Variants in DPYD observed in about 807,000 individuals in gnomAD.
DPYD encodes dihydropyrimidine dehydrogenase, also known as dihydropyrimidine dehydrogenase [NADP(+)].
A neutral mutation model predicts 116.2 loss-of-function variants in DPYD; 109 were observed. That is an observed-to-expected ratio of 0.94 (90% CI 0.80 to 1.10). The LOEUF (loss-of-function observed/expected upper bound fraction) is 1.10. Ranked by LOEUF, DPYD falls within the 50% of genes least tolerant of loss-of-function variation. The pLI is 0.00. For missense variants in DPYD, 1,302 were observed against 1,254.5 expected (o/e 1.04, Z -0.57); for synonymous variants, 440 against 432.0 (o/e 1.02, Z -0.23).
At chr1:97,382,598 T>C (rs1278865773) in intron 14 of DPYD, 137 bp from the exon 15 acceptor site, 4 of 496,988 alleles carry the variant, frequency 8.0e-6, no homozygotes, top group Non-Finnish European at 1.4e-5. Flanking sequence ...AAATAAATCA[T>C]TAGAAAATAG....
At chr1:97,874,937 A>G (rs1558024323) in intron 2 of DPYD, among the ~76,000 whole-genome samples, 1 of 152,000 alleles carries the variant, frequency 6.6e-6, no homozygotes, top group Non-Finnish European at 1.5e-5. Context: ...CAGATTAACT[A>G]TAAAATGAAT....
chr1:97,126,607 T>C (rs1652860381), intron 20 of DPYD, among the ~76,000 whole-genome samples: 1 of 152,152 alleles, frequency 6.6e-6, no homozygotes, highest in African/African-American at 2.4e-5. Flanking sequence ...TGACACTCAC[T>C]TCTATCACAT....
intron 20 of DPYD, among the ~76,000 whole-genome samples, chr1:97,153,038 G>C (rs1655151363): frequency 6.6e-6 from 1 of 151,974 alleles, no homozygotes; most frequent in African/African-American, 2.4e-5. Context: ...TAAAATGTAA[G>C]AGTCTTTTGT....
chr1:97,280,181 G>A (rs756749694), intron 18 of DPYD: 2 of 151,778 alleles, frequency 1.3e-5, no homozygotes, highest in Non-Finnish European at 2.9e-5. Context: ...AATTGAGGAT[G>A]TCTTGAATCT....
In DPYD at chr1:97,691,811, G is replaced by C. The variant is rs1661022226; in HGVS notation, c.681-13C>G. The C allele has an allele frequency of 6.2e-7, 1 of 1,612,136 alleles. No individual in the cohort carries two copies. The highest frequency in any genetic ancestry group is 1.3e-5 in the African/African-American group (1 of 74,934). ...AATTTCAGAAGTACTGAAAAGAAAG[G>C]AGAAAGAAAAACAGGCATCAGTAGA... On this transcript the variant is annotated splice_polypyrimidine_tract_variant and intron_variant, in intron 6 of 22. Coordinates refer to ENST00000370192, the MANE Select transcript of DPYD (RefSeq NM_000110.4).
intron 20 of DPYD, among the ~76,000 whole-genome samples, chr1:97,166,944 T>C (rs910539533): frequency 1.3e-5 from 2 of 152,230 alleles, no homozygotes; most frequent in Admixed American, 1.3e-4. Context: ...AAAATATTTT[T>C]ATTTTATTTT....
At chr1:97,763,576 A>G (rs747045322) in intron 3 of DPYD, among the ~76,000 whole-genome samples, 2 of 152,012 alleles carry the variant, frequency 1.3e-5, no homozygotes, top group African/African-American at 4.8e-5. Context: ...TATATCCAAC[A>G]ACATACTCTT....
At chr1:97,291,138 T>C (rs1394013191) in intron 18 of DPYD, among the ~76,000 whole-genome samples, 1 of 152,196 alleles carries the variant, frequency 6.6e-6, no homozygotes, top group Non-Finnish European at 1.5e-5. Context: ...CACAATGATA[T>C]ACCATCTCAC....
At chr1:97,306,423 A>G in intron 16 of DPYD, 126 bp from the exon 17 acceptor site, 1 of 1,269,348 alleles carries the variant, frequency 7.9e-7, no homozygotes, top group Admixed American at 1.8e-5. Context: ...TACATGATAT[A>G]TTTCTCAAAT....
At chr1:97,245,631 G>A (rs1031403300) in intron 18 of DPYD, among the ~76,000 whole-genome samples, 4 of 152,074 alleles carry the variant, frequency 2.6e-5, no homozygotes, top group African/African-American at 9.7e-5. Flanking sequence ...AGATTATAAT[G>A]ACAATGATAA....
intron 4 of DPYD, among the ~76,000 whole-genome samples, chr1:97,734,520 C>T (rs1049147150): frequency 2.0e-5 from 3 of 152,078 alleles, no homozygotes; most frequent in African/African-American, 7.2e-5. Context: ...AATTACTACT[C>T]CTATATTTTC....
chr1:97,148,533 G>A (rs1654795862), intron 20 of DPYD, among the ~76,000 whole-genome samples: 1 of 152,010 alleles, frequency 6.6e-6, no homozygotes, highest in Non-Finnish European at 1.5e-5. Context: ...CATTCTGCAG[G>A]AAATAAGGAG....
At chr1:97,623,671 A>C (rs1260686884) in intron 8 of DPYD, among the ~76,000 whole-genome samples, 1 of 152,064 alleles carries the variant, frequency 6.6e-6, no homozygotes, top group African/African-American at 2.4e-5. Flanking sequence ...TGAATAGCCA[A>C]TGCAATCATG....
At chr1:97,188,248 A>G (rs979322640) in intron 20 of DPYD, among the ~76,000 whole-genome samples, 4 of 152,236 alleles carry the variant, frequency 2.6e-5, no homozygotes, top group African/African-American at 9.6e-5. Context: ...GATTATGTTC[A>G]TTTATTAATA....
rs189911238 is a variant in DPYD at position 97,688,914 on chromosome 1, A to G, written c.762+2803T>C. Among the ~76,000 whole-genome samples, 215 of 152,104 alleles carry G rather than the reference A, an allele frequency of 1.4e-3. 3 individuals are homozygous for G. The highest frequency in any genetic ancestry group is 3.6e-3 in the Middle Eastern group (1 of 278). ...TAATTCAACATATAAACTCAACGTA[A>G]GTATTTACAAAGGGGAATTGAAAAA... On this transcript the variant is annotated intron_variant, in intron 7 of 22. Transcript: ENST00000370192.
In DPYD at chr1:97,546,939, G is replaced by A. The variant is rs375733242; in HGVS notation, c.1524+2621C>T. On this transcript the variant is annotated intron_variant, in intron 12 of 22. Transcript: ENST00000370192. ...TTGAAGATAGCTTTGAGGAAGAAGA[G>A]GAGGAAGAGGAAGATGATGACTAAG... is the stretch of plus-strand genomic sequence containing the variant. 59 of 1,607,456 alleles carry A rather than the reference G, an allele frequency of 3.7e-5. No individual in the cohort carries two copies. In the East Asian group the frequency reaches 8.9e-4, roughly 24 times the overall value.
intron 16 of DPYD, among the ~76,000 whole-genome samples, chr1:97,358,625 AT>A (rs745717948): frequency 7.2e-5 from 11 of 152,216 alleles, no homozygotes; most frequent in Non-Finnish European, 1.2e-4. Flanking sequence ...AGGTCGCAAT[AT>A]TTGCTGTTCT....
At chr1:97,908,785 T>G (rs922712439) in intron 1 of DPYD, among the ~76,000 whole-genome samples, 1 of 152,128 alleles carries the variant, frequency 6.6e-6, no homozygotes, top group African/African-American at 2.4e-5. Context: ...AGCGTATCAC[T>G]GGTGTTTTCA....
intron 8 of DPYD, among the ~76,000 whole-genome samples, chr1:97,641,056 G>C (rs1244861496): frequency 6.6e-6 from 1 of 152,164 alleles, no homozygotes. Context: ...TGAAGGATAT[G>C]ACTACCTGTC....
Sources: allele counts gnomAD v4.1 joint callset (sites outside exome capture counted in the v4.1 genomes callset), GRCh38; gene constraint gnomAD v4.1.1; transcripts MANE v1.5; gene names NCBI Gene and HGNC (gene_info 2026-07-23, HGNC 2026-07-21).